The following PLEKHG1 variants were observed in gnomAD, a reference collection of about 807,000 sequenced individuals.
PLEKHG1 encodes the protein pleckstrin homology and RhoGEF domain containing G1, also known as pleckstrin homology domain-containing family G member 1.
PLEKHG1 carries 44 observed loss-of-function variants against 100.8 expected under a neutral mutation model. The ratio of observed to expected loss-of-function variants is 0.44; its 90% CI spans 0.34 to 0.56. The LOEUF (loss-of-function observed/expected upper bound fraction) is 0.56, where lower values mean the gene tolerates loss of function less well. Among genes scored for constraint, PLEKHG1 ranks in the 20% least tolerant of loss-of-function variants. The pLI is 0.01. For missense variants in PLEKHG1, 1,545 were observed against 1,720.9 expected (o/e 0.90, Z 1.81); for synonymous variants, 640 against 662.5 (o/e 0.97, Z 0.52).
rs9383842 is a variant in PLEKHG1, at chr6:150,762,615, G to A, written c.412-6023G>A. 2.6e-3 allele frequency among the ~76,000 whole-genome samples: 392 copies of A among 152,180 alleles called. 14 individuals carry two copies. In the East Asian group the frequency reaches 0.061, roughly 24 times the overall value. ...TTGGATTTTCAGTACATTTCTCTGT[G>A]GTGTGGGGTCTAGACTGTATGGACC... On this transcript the variant is annotated intron_variant, in intron 2 of 15. Coordinates refer to ENST00000358517, the Ensembl canonical transcript of PLEKHG1.
At chr6:150,815,707 C>T (rs189642454) in intron 10 of PLEKHG1, among the ~76,000 whole-genome samples, 12 of 152,170 alleles carry the variant, frequency 7.9e-5, no homozygotes, top group Non-Finnish European at 1.5e-4. Context: ...TTTCACTAAA[C>T]GTGATCGCCA....
At chr6:150,696,371 G>A (rs1780545551) in intron 3 of PLEKHG1, among the ~76,000 whole-genome samples, 1 of 152,186 alleles carries the variant, frequency 6.6e-6, no homozygotes, top group East Asian at 1.9e-4. Flanking sequence ...AGCGATGGCA[G>A]CCTGCCAGCT....
intron 1 of PLEKHG1, among the ~76,000 whole-genome samples, chr6:150,613,793 C>G (rs1217389334): frequency 6.6e-6 from 1 of 152,192 alleles, no homozygotes; most frequent in Non-Finnish European, 1.5e-5. Context: ...CCTTATTCCC[C>G]TCTAGTATCC....
intron 2 of PLEKHG1, among the ~76,000 whole-genome samples, chr6:150,756,798 CT>C: frequency 6.6e-6 from 1 of 152,198 alleles, no homozygotes; most frequent in East Asian, 1.9e-4. Flanking sequence ...TCTTTAAGGC[CT>C]TGTTATCCAC....
intron 2 of PLEKHG1, among the ~76,000 whole-genome samples, chr6:150,750,641 C>T (rs1783454964): frequency 1.3e-5 from 2 of 150,764 alleles, no homozygotes; most frequent in African/African-American, 2.5e-5. Flanking sequence ...ATTAGCCGGG[C>T]GTAGTGGCGG....
chr6:150,626,152 C>CG (rs1429009858), intron 1 of PLEKHG1: 14 of 44,684 alleles, frequency 3.1e-4, no homozygotes, highest in African/African-American at 1.1e-3. Context: ...CATTGTGGGG[C>CG]GGGGGGCGGG....
At chr6:150,610,766 C>T (rs989777247) in intron 1 of PLEKHG1, among the ~76,000 whole-genome samples, 3 of 152,188 alleles carry the variant, frequency 2.0e-5, no homozygotes, top group Non-Finnish European at 2.9e-5. Context: ...AGTCAAGTAA[C>T]TCCATTGGTT....
intron 1 of PLEKHG1, among the ~76,000 whole-genome samples, chr6:150,616,769 T>G (rs574135564): frequency 1.2e-4 from 19 of 152,334 alleles, no homozygotes; most frequent in African/African-American, 4.6e-4. Flanking sequence ...AAAAGTAATA[T>G]GCACTACTTG....
At chr6:150,623,712 C>G (rs1002889934) in intron 1 of PLEKHG1, among the ~76,000 whole-genome samples, 13 of 152,192 alleles carry the variant, frequency 8.5e-5, no homozygotes, top group African/African-American at 3.1e-4. Context: ...GATCGCATGG[C>G]CTTGCCACTG....
intron 2 of PLEKHG1, among the ~76,000 whole-genome samples, chr6:150,644,292 C>G (rs1405821424): frequency 6.9e-6 from 1 of 145,010 alleles, no homozygotes; most frequent in East Asian, 2.0e-4. Flanking sequence ...AAACATTTGA[C>G]AAGGAAGAGC....
chr6:150,835,619 C>G (rs1353708641), intron 15 of PLEKHG1, among the ~76,000 whole-genome samples: 1 of 152,122 alleles, frequency 6.6e-6, no homozygotes, highest in African/African-American at 2.4e-5. Flanking sequence ...TATGGGGGAG[C>G]CTCAACTCAG....
At chr6:150,698,955 G>A (rs777816339) in intron 3 of PLEKHG1, among the ~76,000 whole-genome samples, 6 of 152,164 alleles carry the variant, frequency 3.9e-5, no homozygotes, top group Non-Finnish European at 8.8e-5. Context: ...TTTTCTCATA[G>A]CTGGTACAAA....
At chr6:150,606,025 G>A (rs1222873884) in intron 1 of PLEKHG1, among the ~76,000 whole-genome samples, 1 of 152,206 alleles carries the variant, frequency 6.6e-6, no homozygotes. Flanking sequence ...TAGCTCTGGG[G>A]TGTTGACTTA....
chr6:150,664,936 G>A (rs1478989270), intron 3 of PLEKHG1, among the ~76,000 whole-genome samples: 4 of 152,148 alleles, frequency 2.6e-5, no homozygotes, highest in Admixed American at 2.0e-4. Flanking sequence ...TTAGACATAG[G>A]CTGTGGGAAC....
At chr6:150,723,011 C>T (rs1051101359) in intron 1 of PLEKHG1, among the ~76,000 whole-genome samples, 2 of 152,134 alleles carry the variant, frequency 1.3e-5, no homozygotes, top group African/African-American at 4.8e-5. Flanking sequence ...CACAGTTTTT[C>T]ATCATCCAAG....
At chr6:150,719,441 T>C (rs917511844), upstream of PLEKHG1, among the ~76,000 whole-genome samples, 1 of 152,192 alleles carries the variant, frequency 6.6e-6, no homozygotes, top group African/African-American at 2.4e-5. Context: ...GAGCTTTGTG[T>C]CTGCCTCGAG....
At chr6:150,602,783 C>T (rs1776407706) in intron 1 of PLEKHG1, among the ~76,000 whole-genome samples, 1 of 152,106 alleles carries the variant, frequency 6.6e-6, no homozygotes, top group Non-Finnish European at 1.5e-5. Context: ...CTCCCCTGCC[C>T]CTCTTGAACT....
At chr6:150,716,056 C>G (rs1216712803) in intron 3 of PLEKHG1, among the ~76,000 whole-genome samples, 5 of 147,718 alleles carry the variant, frequency 3.4e-5, no homozygotes, top group African/African-American at 1.2e-4. Flanking sequence ...TGCAGTGAGC[C>G]GAGATCGCGC....
At chr6:150,688,253 A>C (rs749027759) in intron 3 of PLEKHG1, among the ~76,000 whole-genome samples, 57 of 152,190 alleles carry the variant, frequency 3.7e-4, no homozygotes, top group Non-Finnish European at 5.6e-4. Flanking sequence ...ACAGTCAATA[A>C]AGTGGCAAAG....
Sources: allele counts gnomAD v4.1 joint callset (sites outside exome capture counted in the v4.1 genomes callset), GRCh38; gene constraint gnomAD v4.1.1; transcripts MANE v1.5; gene names NCBI Gene and HGNC (gene_info 2026-07-23, HGNC 2026-07-21).